CDH23: variants seen among roughly 807,000 people sequenced by gnomAD.
CDH23 encodes cadherin-23.
A neutral mutation model predicts 317.1 loss-of-function variants in CDH23; 189 were observed. The ratio of observed to expected loss-of-function variants is 0.60; its 90% CI spans 0.53 to 0.67. The LOEUF is 0.67. CDH23 is among the 30% of genes least tolerant of loss of function. CDH23 has a pLI of 0.00. For synonymous variants in CDH23, 1,839 were observed against 1,876.8 expected (o/e 0.98, Z 0.52); for missense variants, 4,401 against 4,592.4 (o/e 0.96, Z 1.20).
chr10:71,426,758 C>T (rs545305139), intron 1 of CDH23, among the ~76,000 whole-genome samples: 1 of 152,200 alleles, frequency 6.6e-6, no homozygotes, highest in Non-Finnish European at 1.5e-5. Flanking sequence ...ATCCAATAAG[C>T]CCATTTAAAG....
intron 1 of CDH23, among the ~76,000 whole-genome samples, chr10:71,434,703 T>C (rs1203399361): frequency 2.8e-5 from 4 of 144,538 alleles, no homozygotes; most frequent in Admixed American, 2.7e-4. Context: ...TCTGAGAAAT[T>C]TGCAGTCAGC....
chr10:71,691,349 T>C (rs1302864936), intron 20 of CDH23, among the ~76,000 whole-genome samples: 1 of 152,118 alleles, frequency 6.6e-6, no homozygotes, highest in African/African-American at 2.4e-5. Flanking sequence ...GAAATTGGGG[T>C]GGGGGCTGCT....
rs1165397826 is a variant in CDH23, at chr10:71,446,331, G to A, written c.81G>A (p.Arg27=). 6.2e-7 allele frequency: 1 copy of A among 1,614,038 alleles called. No homozygotes were observed. Among genetic ancestry groups the A allele is most frequent in the Non-Finnish European group, 8.5e-7 (1 of 1,179,892 alleles). The change falls in exon 3 of 70, where the codon CGG becomes CGA. Residue 27 remains arginine (R), a synonymous_variant. Coordinates refer to ENST00000224721, the MANE Select transcript of CDH23 (RefSeq NM_022124.6). ...TCTGACTTCCAGGCCAGGTGAACCGGCTGCCCTTCTTCACCAACCACTTCT... is the reference window on the plus strand; with the variant it reads ...TCTGACTTCCAGGCCAGGTGAACCGACTGCCCTTCTTCACCAACCACTTCT... ...LISGCWGQVN[R]LPFFTNHFFD... is the part of the protein sequence containing the mutation.
intron 6 of CDH23, among the ~76,000 whole-genome samples, chr10:71,561,132 C>CT (rs1196361550): frequency 1.3e-5 from 2 of 151,910 alleles, no homozygotes; most frequent in African/African-American, 2.4e-5. Context: ...TAGAATGTCT[C>CT]TTTTTTTTCC....
intron 17 of CDH23, among the ~76,000 whole-genome samples, chr10:71,680,694 GC>G (rs1328567319): frequency 3.8e-5 from 5 of 131,878 alleles, no homozygotes; most frequent in Non-Finnish European, 6.2e-5. Flanking sequence ...GTTGCAGGGA[GC>G]CCAGGTTGCA....
intron 9 of CDH23, among the ~76,000 whole-genome samples, chr10:71,607,845 G>T (rs1292661275): frequency 1.3e-5 from 2 of 152,204 alleles, no homozygotes; most frequent in African/African-American, 4.8e-5. Context: ...TAAGTCTGCA[G>T]TGAGCTGTGA....
At chr10:71,624,392 T>C (rs992567754) in intron 11 of CDH23, among the ~76,000 whole-genome samples, 38 of 152,244 alleles carry the variant, frequency 2.5e-4, no homozygotes, top group African/African-American at 8.9e-4. Flanking sequence ...GTTTTCGTAC[T>C]TTTGATCTGT....
chr10:71,485,425 T>C (rs1589127117), intron 3 of CDH23, among the ~76,000 whole-genome samples: 1 of 152,252 alleles, frequency 6.6e-6, no homozygotes, highest in East Asian at 1.9e-4. Context: ...CAGCTTTTTC[T>C]GTCTTTGGCC....
rs115398922 is a variant in CDH23 at position 71,732,198 on chromosome 10, G to A, written c.3927G>A (p.Glu1309=). The A allele has an allele frequency of 9.9e-5, 159 of 1,613,882 alleles. No homozygotes were observed. The African/African-American group carries it at 1.9e-3, about 19-fold the overall frequency. Residue 1309 remains glutamate, a synonymous_variant, in exon 32 of 70, where the codon GAG becomes GAA. Coordinates refer to ENST00000224721, the MANE Select transcript of CDH23 (RefSeq NM_022124.6). ...TCACTCTGCTCAACGAGCTGGACGAGGCCGTGCAGTTCTCCAATGCCTCAT... is the reference window on the plus strand; with the variant it reads ...TCACTCTGCTCAACGAGCTGGACGAAGCCGTGCAGTTCTCCAATGCCTCAT... ...VYITLLNELD[E]AVQFSNASYE... is the part of the protein sequence containing the mutation.
At chr10:71,545,544 T>C (rs1056989358) in intron 6 of CDH23, among the ~76,000 whole-genome samples, 3 of 152,250 alleles carry the variant, frequency 2.0e-5, no homozygotes, top group African/African-American at 7.2e-5. Context: ...ACATACCATC[T>C]TCCTATTTGC....
rs373987871 is a variant in CDH23, at chr10:71,585,548, C to G, written c.832+7556C>G. Among the ~76,000 whole-genome samples the G allele has an allele frequency of 3.9e-5, 6 of 152,298 alleles. No individual in the cohort carries two copies. In the East Asian group the frequency reaches 9.7e-4, roughly 25 times the overall value. ...TTTCAAGAGTATCTAGGGACAGAGC[C>G]TCTAGAGGGTTTTTAATTTAATTAT... On this transcript the variant is annotated intron_variant, in intron 9 of 69. Coordinates refer to ENST00000224721, the MANE Select transcript of CDH23 (RefSeq NM_022124.6).
chr10:71,515,813 A>C (rs759660721), intron 6 of CDH23, among the ~76,000 whole-genome samples: 2 of 152,246 alleles, frequency 1.3e-5, no homozygotes, highest in Non-Finnish European at 2.9e-5. Context: ...ATTAAGACCA[A>C]GGTCTTTGTC....
intron 3 of CDH23, among the ~76,000 whole-genome samples, chr10:71,506,509 C>T (rs957039431): frequency 2.6e-5 from 4 of 152,162 alleles, no homozygotes; most frequent in African/African-American, 9.7e-5. Context: ...ACCCCAGGGT[C>T]CCCCAGCCAG....
At chr10:71,627,267 T>G (rs1029966687) in intron 11 of CDH23, among the ~76,000 whole-genome samples, 1 of 152,154 alleles carries the variant, frequency 6.6e-6, no homozygotes, top group African/African-American at 2.4e-5. Context: ...TTTGTTGACT[T>G]CAAAGCAAAG....
chr10:71,688,116 C>T (rs1371486660), intron 19 of CDH23, among the ~76,000 whole-genome samples: 3 of 152,112 alleles, frequency 2.0e-5, no homozygotes, highest in Non-Finnish European at 2.9e-5. Flanking sequence ...GGCCTTACAG[C>T]GGGGCATGTG....
At chr10:71,615,204 G>C (rs959378845) in intron 9 of CDH23, among the ~76,000 whole-genome samples, 8 of 152,170 alleles carry the variant, frequency 5.3e-5, no homozygotes, top group African/African-American at 1.7e-4. Flanking sequence ...AGCGAGTCTA[G>C]AGAAGTGTTA....
intron 22 of CDH23, among the ~76,000 whole-genome samples, chr10:71,696,132 G>A (rs1007463588): frequency 2.6e-5 from 4 of 152,168 alleles, no homozygotes; most frequent in South Asian, 4.1e-4. Context: ...CATCTCCAGC[G>A]GAGACCAGAA....
chr10:71,398,428 AGTGTGTGTGTGTGTGT>A lies in CDH23; in HGVS notation c.-6+1143_-6+1158del, dbSNP rs143519061. On this transcript the variant is annotated intron_variant, in intron 1 of 69. Coordinates refer to ENST00000224721, the MANE Select transcript of CDH23 (RefSeq NM_022124.6). ...TTGAAATAAGCTAGAGAGACACAGGAGTGTGTGTGTGTGTGTGTGTGTGTGTGTGTGTGTGTGTGTG... is the reference window on the plus strand; with the variant it reads ...TTGAAATAAGCTAGAGAGACACAGGAGTGTGTGTGTGTGTGTGTGTGTGTG... Among the ~76,000 whole-genome samples, 463 of 120,256 alleles carry A rather than the reference AGTGTGTGTGTGTGTGT, an allele frequency of 3.9e-3. 3 individuals are homozygous for A. The highest frequency in any genetic ancestry group is 0.019 in the Middle Eastern group (4 of 216). The allele number at this position is 120,256 out of a possible 152,430, so 78.9% of individuals were successfully genotyped here.
chr10:71,650,365 G>A (rs1486313125), intron 14 of CDH23, among the ~76,000 whole-genome samples: 1 of 152,234 alleles, frequency 6.6e-6, no homozygotes, highest in Non-Finnish European at 1.5e-5. Context: ...GGATGAATGT[G>A]CTCTGAAGGG....
Sources: allele counts gnomAD v4.1 joint callset (sites outside exome capture counted in the v4.1 genomes callset), GRCh38; gene constraint gnomAD v4.1.1; transcripts MANE v1.5; gene names NCBI Gene and HGNC (gene_info 2026-07-23, HGNC 2026-07-21).